The following CSMD1 variants were observed in gnomAD, a reference collection of about 807,000 sequenced individuals.
CSMD1 encodes the protein CUB and Sushi multiple domains 1, also known as CUB and sushi domain-containing protein 1.
CSMD1 carries 213 observed loss-of-function variants against 417.5 expected under a neutral mutation model. That is an observed-to-expected ratio of 0.51 (90% CI 0.46 to 0.57). The LOEUF (loss-of-function observed/expected upper bound fraction) is 0.57, where lower values mean the gene tolerates loss of function less well. Ranked by LOEUF, CSMD1 falls within the 20% of genes least tolerant of loss-of-function variation. The pLI is 0.00. For missense variants in CSMD1, 6,923 were observed against 4,529.7 expected, an observed-to-expected ratio of 1.53 and a Z score of -15.17; for synonymous variants, 2,862 against 1,736.8, an observed-to-expected ratio of 1.65 and a Z score of -16.11.
chr8:3,772,672 T>C (rs1584975347), intron 5 of CSMD1, among the ~76,000 whole-genome samples: 1 of 146,564 alleles, frequency 6.8e-6, no homozygotes, highest in Non-Finnish European at 1.5e-5. Context: ...CATTTATATA[T>C]ACATATATAC....
At chr8:4,280,833 T>A (rs980777700) in intron 3 of CSMD1, among the ~76,000 whole-genome samples, 1 of 152,204 alleles carries the variant, frequency 6.6e-6, no homozygotes, top group Non-Finnish European at 1.5e-5. Context: ...TTATAAGACT[T>A]TTATCTTCAT....
At chr8:4,562,050 G>A (rs569735992) in intron 2 of CSMD1, among the ~76,000 whole-genome samples, 99 of 152,282 alleles carry the variant, frequency 6.5e-4, no homozygotes, top group Non-Finnish European at 1.0e-3. Context: ...ATTCAATGCA[G>A]CCAGCAAAGA....
At chr8:3,589,096 T>C (rs1020670245) in intron 8 of CSMD1, among the ~76,000 whole-genome samples, 3 of 152,112 alleles carry the variant, frequency 2.0e-5, no homozygotes, top group African/African-American at 7.2e-5. Context: ...TTGGTGAGGA[T>C]GTGGAGAAAA....
intron 2 of CSMD1, among the ~76,000 whole-genome samples, chr8:4,597,547 A>G (rs1164965346): frequency 6.6e-6 from 1 of 152,200 alleles, no homozygotes; most frequent in East Asian, 1.9e-4. Flanking sequence ...CATTTGAAAT[A>G]AAACTTATTT....
At chr8:4,027,902 C>A (rs1227665600) in intron 4 of CSMD1, among the ~76,000 whole-genome samples, 2 of 151,812 alleles carry the variant, frequency 1.3e-5, no homozygotes. Context: ...GATTTTTTTT[C>A]TGAGAGTGAG....
intron 37 of CSMD1, among the ~76,000 whole-genome samples, chr8:3,169,514 G>C (rs1186177177): frequency 1.3e-5 from 2 of 152,074 alleles, no homozygotes; most frequent in African/African-American, 2.4e-5. Context: ...CCTAGGGCTA[G>C]GAGTAGCAAA....
At chr8:4,433,463 C>T (rs1321400115) in intron 2 of CSMD1, among the ~76,000 whole-genome samples, 7 of 152,274 alleles carry the variant, frequency 4.6e-5, no homozygotes, top group East Asian at 1.9e-4. Context: ...GCGAGGTCAA[C>T]GCACTGGCTA....
At chr8:4,206,288 G>A (rs1276359829) in intron 3 of CSMD1, among the ~76,000 whole-genome samples, 3 of 152,032 alleles carry the variant, frequency 2.0e-5, no homozygotes, top group African/African-American at 7.2e-5. Context: ...TTGGTGTGCT[G>A]CACCCATTAA....
chr8:4,305,555 T>C (rs1798199366), intron 3 of CSMD1, among the ~76,000 whole-genome samples: 1 of 152,194 alleles, frequency 6.6e-6, no homozygotes, highest in Admixed American at 6.5e-5. Flanking sequence ...CTGTTCTCTC[T>C]GGAATAACAG....
intron 1 of CSMD1, among the ~76,000 whole-genome samples, chr8:4,741,759 C>T (rs1810620223): frequency 6.6e-6 from 1 of 152,090 alleles, no homozygotes; most frequent in East Asian, 1.9e-4. Context: ...GTCTCAGGCC[C>T]CAACCCAGAC....
intron 3 of CSMD1, among the ~76,000 whole-genome samples, chr8:4,153,726 G>A (rs780479835): frequency 6.6e-6 from 1 of 152,216 alleles, no homozygotes; most frequent in Non-Finnish European, 1.5e-5. Context: ...AAGAACCCAT[G>A]CAGTGGGCAC....
At chr8:3,914,317 G>A (rs1426894676) in intron 5 of CSMD1, among the ~76,000 whole-genome samples, 4 of 152,254 alleles carry the variant, frequency 2.6e-5, no homozygotes. Flanking sequence ...TAAGAACGAG[G>A]AAGAGAATGG....
rs78433737 is a variant in CSMD1 at position 4,416,994 on chromosome 8, T to A, written c.415+2959A>T. Among the ~76,000 whole-genome samples the A allele has an allele frequency of 2.0e-5, 3 of 152,046 alleles. No individual in the cohort carries two copies. The East Asian group carries it at 5.8e-4, about 29-fold the overall frequency. On this transcript the variant is annotated intron_variant, in intron 3 of 69. Transcript: ENST00000635120. The stretch of plus-strand genomic sequence containing the variant: ...TGTCAAAGACAGCTATGCAACTATG[T>A]TGGTTCACAATTAAGACTAATGTCC...
intron 12 of CSMD1, among the ~76,000 whole-genome samples, chr8:3,425,640 G>A (rs900385827): frequency 2.0e-5 from 3 of 151,236 alleles, no homozygotes; most frequent in African/African-American, 7.3e-5. Context: ...GAAATGCCCT[G>A]TCCCAGCAGC....
At chr8:3,350,624 G>A (rs1242610379) in intron 21 of CSMD1, among the ~76,000 whole-genome samples, 1 of 152,110 alleles carries the variant, frequency 6.6e-6, no homozygotes. Context: ...CAAGAAAAAA[G>A]TGTCTTCTTA....
intron 3 of CSMD1, among the ~76,000 whole-genome samples, chr8:4,258,227 G>A (rs1361248154): frequency 2.0e-5 from 3 of 148,286 alleles, no homozygotes; most frequent in African/African-American, 5.0e-5. Context: ...TTAAAGGCAT[G>A]AGCCAGCACA....
intron 5 of CSMD1, among the ~76,000 whole-genome samples, chr8:3,829,726 G>C (rs535420801): frequency 1.3e-5 from 2 of 152,132 alleles, no homozygotes; most frequent in African/African-American, 4.8e-5. Flanking sequence ...TCTTCCTGTA[G>C]CAGTTCTCAA....
chr8:2,953,639 T>C (rs1802797175), intron 65 of CSMD1, among the ~76,000 whole-genome samples: 1 of 152,222 alleles, frequency 6.6e-6, no homozygotes, highest in African/African-American at 2.4e-5. Context: ...ACATGCCAGA[T>C]GATTTTGTAT....
chr8:4,964,287 G>C (rs11991123), intron 1 of CSMD1, among the ~76,000 whole-genome samples: 58,962 of 151,550 alleles, frequency 0.39, 11,789 homozygotes, highest in Non-Finnish European at 0.42. Flanking sequence ...GCAAAGGGGG[G>C]CAAATTGCTT....
Sources: allele counts gnomAD v4.1 joint callset (sites outside exome capture counted in the v4.1 genomes callset), GRCh38; gene constraint gnomAD v4.1.1; transcripts MANE v1.5; gene names NCBI Gene and HGNC (gene_info 2026-07-23, HGNC 2026-07-21).